The following NACC2 variants were observed in gnomAD, a reference collection of about 807,000 sequenced individuals.
NACC2 encodes NACC family member 2.
A neutral mutation model predicts 25.1 loss-of-function variants in NACC2; 8 were observed. The observed-to-expected ratio is 0.32, with a 90% CI of 0.19 to 0.57. The LOEUF (loss-of-function observed/expected upper bound fraction) is 0.57. NACC2 is among the 20% of genes least tolerant of loss of function. NACC2 has a pLI of 0.89. For synonymous variants in NACC2, 435 were observed against 294.7 expected (o/e 1.48, Z -4.88); for missense variants, 644 against 650.2 (o/e 0.99, Z 0.10).
intron 2 of NACC2, among the ~76,000 whole-genome samples, chr9:136,025,223 C>A (rs552848231): frequency 1.3e-5 from 2 of 152,110 alleles, no homozygotes; most frequent in Non-Finnish European, 2.9e-5. Flanking sequence ...TGGGCACGGG[C>A]GCTGCTGGAT....
intron 1 of NACC2, among the ~76,000 whole-genome samples, chr9:136,066,723 G>A (rs970899178): frequency 6.6e-6 from 1 of 152,060 alleles, no homozygotes; most frequent in African/African-American, 2.4e-5. Flanking sequence ...CCAAGAAGTG[G>A]AAATACACAA....
At chr9:136,024,350 T>TGTGTGTGTGAGGACAGAGG (rs1840350617) in intron 2 of NACC2, among the ~76,000 whole-genome samples, 4 of 111,186 alleles carry the variant, frequency 3.6e-5, no homozygotes, top group African/African-American at 7.3e-5. Context: ...GAGGACAGAG[T>TGTGTGTGTGAGGACAGAGG]GTGTGTGTGT....
At chr9:136,050,638 G>A (rs938582646) in intron 1 of NACC2, 58 bp from the exon 2 acceptor site, 14 of 673,676 alleles carry the variant, frequency 2.1e-5, no homozygotes, top group Non-Finnish European at 2.4e-5. Context: ...CCCCGCTCAA[G>A]GGGCCGTTCC....
At chr9:136,042,951 CACAG>C (rs1840666284) in intron 2 of NACC2, among the ~76,000 whole-genome samples, 1 of 150,746 alleles carries the variant, frequency 6.6e-6, no homozygotes, top group African/African-American at 2.4e-5. Context: ...GACAGACACA[CACAG>C]ACACACAGAG....
In NACC2 at chr9:136,050,086, A is replaced by G. The variant is rs1461743524; in HGVS notation, c.436T>C (p.Cys146Arg). ...EDAGSEPQSP[C>R]NQLQPAAAAA... Reference sequence around the variant, plus strand: ...GCGGCGGCCGGCTGCAGCTGGTTGCAGGGGCTCTGGGGCTCGGAGCCGGCG... The same window carrying G: ...GCGGCGGCCGGCTGCAGCTGGTTGCGGGGGCTCTGGGGCTCGGAGCCGGCG... The change falls in exon 2 of 6, where the codon TGC becomes CGC. Residue 146 changes from cysteine to arginine, a missense_variant. Cys to Arg is a radical substitution (Grantham distance 180, BLOSUM62 -3). Transcript: ENST00000277554. 2.7e-6 allele frequency: 2 copies of G among 746,476 alleles called. No homozygotes were observed. The highest frequency in any genetic ancestry group is 4.9e-6 in the Non-Finnish European group (2 of 406,254). The allele number at this position is 746,476 out of a possible 1,614,324, so 46.2% of individuals were successfully genotyped here. A position where few individuals can be genotyped will look rare whatever the true frequency, so the allele number is the denominator to read the frequency against.
intron 2 of NACC2, among the ~76,000 whole-genome samples, chr9:136,039,839 A>G (rs1840602059): frequency 6.6e-6 from 1 of 152,026 alleles, no homozygotes; most frequent in Admixed American, 6.6e-5. Context: ...CCCGAGAGAG[A>G]GCATGGCAAA....
intron 1 of NACC2, among the ~76,000 whole-genome samples, chr9:136,054,345 A>C (rs1840892849): frequency 6.6e-6 from 1 of 152,180 alleles, no homozygotes. Flanking sequence ...GGACAACTGG[A>C]GCTTTTGCTG....
intron 2 of NACC2, among the ~76,000 whole-genome samples, chr9:136,041,059 GA>G (rs1201915961): frequency 6.8e-6 from 1 of 147,838 alleles, no homozygotes; most frequent in African/African-American, 2.6e-5. Context: ...AGGAAGGAAG[GA>G]AAGGAAGGAA....
At chr9:136,061,505 G>T (rs1841009726) in intron 1 of NACC2, among the ~76,000 whole-genome samples, 1 of 152,226 alleles carries the variant, frequency 6.6e-6, no homozygotes, top group Non-Finnish European at 1.5e-5. Context: ...GCTGGAGGCA[G>T]AGAGAAGGCA....
chr9:136,014,364 G>A (rs1301679130), intron 3 of NACC2, among the ~76,000 whole-genome samples: 1 of 152,100 alleles, frequency 6.6e-6, no homozygotes, highest in African/African-American at 2.4e-5. Context: ...GAGAGCAGTG[G>A]TGCCATCATG....
intron 1 of NACC2, among the ~76,000 whole-genome samples, chr9:136,050,917 G>A (rs1400906796): frequency 6.6e-6 from 1 of 152,160 alleles, no homozygotes; most frequent in African/African-American, 2.4e-5. Flanking sequence ...CCCCGGGACA[G>A]GAGGTGGGGG....
In NACC2 at chr9:136,013,189, A is replaced by T. The variant is rs1320772333; in HGVS notation, c.1255+10T>A. The T allele has an allele frequency of 2.9e-6, 1 of 347,378 alleles. No homozygotes were observed. The highest frequency in any genetic ancestry group is 3.4e-5 in the African/African-American group (1 of 29,084). 21.5% of individuals were successfully genotyped at this position (347,378 alleles called of 1,614,324 possible). On this transcript the variant is annotated intron_variant, in intron 5 of 5. Coordinates refer to ENST00000277554, the MANE Select transcript of NACC2 (RefSeq NM_144653.5). The surrounding 1 kb of genome is among the most constrained non-coding windows in gnomAD (Gnocchi z 6.6). ...GGCCCCACCCACCCGAGAGACCCCC[A>T]GGCTCTTACATTTCACAGCGTTCAG...
At chr9:136,031,817 T>C (rs991731569) in intron 2 of NACC2, among the ~76,000 whole-genome samples, 16 of 152,240 alleles carry the variant, frequency 1.1e-4, no homozygotes, top group African/African-American at 3.4e-4. Flanking sequence ...TGGCCACTCA[T>C]GGAACCGATT....
At chr9:136,083,683 G>C (rs546330451) in intron 1 of NACC2, among the ~76,000 whole-genome samples, 1 of 152,234 alleles carries the variant, frequency 6.6e-6, no homozygotes, top group Non-Finnish European at 1.5e-5. Flanking sequence ...GGAGGCAGGC[G>C]GGGGCCCCGA....
At chr9:136,081,237 C>A (rs376168251) in intron 1 of NACC2, among the ~76,000 whole-genome samples, 4 of 152,192 alleles carry the variant, frequency 2.6e-5, no homozygotes, top group African/African-American at 4.8e-5. Flanking sequence ...GACTCAGTCC[C>A]GACGGGCACT....
chr9:136,075,397 A>T (rs1261575538), intron 1 of NACC2, among the ~76,000 whole-genome samples: 1 of 151,336 alleles, frequency 6.6e-6, no homozygotes, highest in African/African-American at 2.4e-5. Flanking sequence ...CAGGGTGTCC[A>T]CTCTCCCCGG....
chr9:136,049,850 G>A lies in NACC2; in HGVS notation c.672C>T (p.Tyr224=), dbSNP rs1295354050. 5.9e-6 allele frequency: 4 copies of A among 682,130 alleles called. No homozygotes were observed. Among genetic ancestry groups the A allele is most frequent in the African/African-American group, 1.8e-5 (1 of 56,232 alleles). 42.3% of individuals were successfully genotyped at this position (682,130 alleles called of 1,614,324 possible). A position where few individuals can be genotyped will look rare whatever the true frequency, so the allele number is the denominator to read the frequency against. The stretch of plus-strand genomic sequence containing the variant: ...TGAGGGTGGCCAGGCTGGGCACCCC[G>A]TAGTAGGAGACACGGGGCAGTTTGA... ...APLKLPRVSY[Y]GVPSLATLIP... The change falls in exon 2 of 6, where the codon TAC becomes TAT. Residue 224 remains tyrosine, a synonymous_variant. Transcript: ENST00000277554.
At chr9:136,037,430 C>CATTACTA (rs888446412) in intron 2 of NACC2, among the ~76,000 whole-genome samples, 1 of 151,724 alleles carries the variant, frequency 6.6e-6, no homozygotes, top group African/African-American at 2.4e-5. Flanking sequence ...TTTGCATATT[C>CATTACTA]ATTACTAATT....
chr9:136,088,978 C>T (rs1830407398), intron 1 of NACC2, among the ~76,000 whole-genome samples: 2 of 152,222 alleles, frequency 1.3e-5, no homozygotes, highest in Admixed American at 1.3e-4. Context: ...TCGCGTGGAG[C>T]GGCTGAGGCG....
Sources: gnomAD v4.1 joint callset for allele counts (sites outside exome capture counted in the v4.1 genomes callset) on GRCh38, gnomAD v4.1.1 for gene constraint, Gnocchi (gnomAD v3.1) non-coding constraint, MANE v1.5 for transcripts, NCBI Gene and HGNC (gene_info 2026-07-23, HGNC 2026-07-21) for gene names.